Variants in SHLD2 observed in about 807,000 individuals in gnomAD.
The protein encoded by SHLD2 is RINN1-REV7-interacting novel NHEJ regulator 2.
SHLD2 carries 30 observed loss-of-function variants against 73.2 expected under a neutral mutation model. That is an observed-to-expected ratio of 0.41 (90% CI 0.31 to 0.56). The LOEUF (loss-of-function observed/expected upper bound fraction) is 0.56. SHLD2 is among the 20% of genes least tolerant of loss of function. The pLI, the probability that SHLD2 is intolerant of heterozygous loss-of-function variation, is 0.28. For synonymous variants in SHLD2, 285 were observed against 370.1 expected, an observed-to-expected ratio of 0.77 and a Z score of 2.64; for missense variants, 745 against 1,055.9, an observed-to-expected ratio of 0.71 and a Z score of 4.08.
intron 6 of SHLD2, among the ~76,000 whole-genome samples, chr10:87,173,038 CTTT>C (rs77853653): frequency 1.5e-5 from 2 of 134,770 alleles, no homozygotes; most frequent in Non-Finnish European, 3.2e-5. Flanking sequence ...GCATAAGGCA[CTTT>C]TTTTTTTTTT....
At chr10:87,129,764 G>A (rs998844155) in intron 2 of SHLD2, among the ~76,000 whole-genome samples, 1 of 151,616 alleles carries the variant, frequency 6.6e-6, no homozygotes, top group South Asian at 2.1e-4. Flanking sequence ...GGTACTACAG[G>A]CCTGCACCGC....
At chr10:87,173,555 CTTTATG>C (rs573676006) in intron 6 of SHLD2, among the ~76,000 whole-genome samples, 247 of 152,250 alleles carry the variant, frequency 1.6e-3, no homozygotes, top group African/African-American at 5.3e-3. Context: ...TAAATTTATA[CTTTATG>C]TTTGTGCCAA....
chr10:87,183,690 AGCTGCTTTT>A (rs1260822735), intron 8 of SHLD2, among the ~76,000 whole-genome samples: 5 of 152,180 alleles, frequency 3.3e-5, no homozygotes, highest in African/African-American at 1.2e-4. Context: ...ATGCTGCAGA[AGCTGCTTTT>A]GTCAAAGTTA....
At chr10:87,134,068 A>G (rs1844621979) in intron 2 of SHLD2, among the ~76,000 whole-genome samples, 1 of 152,214 alleles carries the variant, frequency 6.6e-6, no homozygotes, top group Non-Finnish European at 1.5e-5. Flanking sequence ...CAATCTTTAG[A>G]TAGTGTAATA....
intron 6 of SHLD2, among the ~76,000 whole-genome samples, chr10:87,171,504 G>A (rs948511314): frequency 2.6e-5 from 4 of 151,918 alleles, no homozygotes; most frequent in Non-Finnish European, 5.9e-5. Context: ...TTTCTTTAAA[G>A]CATAAATTAT....
chr10:87,110,150 A>G (rs1392519916), intron 2 of SHLD2, among the ~76,000 whole-genome samples: 2 of 152,066 alleles, frequency 1.3e-5, no homozygotes, highest in East Asian at 1.9e-4. Flanking sequence ...TTAGCTGAGC[A>G]TGTTGGCACA....
chr10:87,131,977 C>T (rs535044594), intron 2 of SHLD2, among the ~76,000 whole-genome samples: 2 of 152,174 alleles, frequency 1.3e-5, no homozygotes, highest in African/African-American at 2.4e-5. Context: ...GACATTGAGC[C>T]TTTTTTCATG....
intron 2 of SHLD2, among the ~76,000 whole-genome samples, chr10:87,144,751 A>C (rs1409376222): frequency 8.6e-4 from 100 of 115,692 alleles, no homozygotes; most frequent in Middle Eastern, 7.0e-3. Context: ...CTCAGCCTCC[A>C]GAGTAGCTGG....
In SHLD2 at chr10:87,111,511, C is replaced by T. The variant is rs189817776; in HGVS notation, c.-6+14522C>T. Among the ~76,000 whole-genome samples the T allele has an allele frequency of 1.5e-3, 223 of 151,828 alleles. 3 individuals are homozygous for T. In the East Asian group the frequency reaches 0.039, roughly 27 times the overall value. ...CAAAAATTAGCTGGGCATGGTGGCA[C>T]GCGCCTGTAATCTCAACTACTTGAG... On this transcript the variant is annotated intron_variant, in intron 2 of 9. Transcript: ENST00000298786.
At position 87,150,507 on chromosome 10, in the gene SHLD2, T is replaced by C. The variant is rs568117027; in HGVS notation, c.-5-843T>C. Among the ~76,000 whole-genome samples, 343 of 151,778 alleles carry C rather than the reference T, an allele frequency of 2.3e-3. 1 individual carries two copies. The highest frequency in any genetic ancestry group is 2.7e-3 in the Non-Finnish European group (181 of 67,966). On this transcript the variant is annotated intron_variant, in intron 2 of 9. Coordinates refer to ENST00000298786, the MANE Select transcript of SHLD2 (RefSeq NM_001330112.2). The stretch of plus-strand genomic sequence containing the variant: ...CAGGCGCGGTGGCTCACGCCTGTAA[T>C]CCCAGCACTTTGACAAGCAGAGGCG...
intron 4 of SHLD2, 41 bp from the exon 5 acceptor site, chr10:87,170,437 G>T (rs746963777): frequency 1.5e-6 from 2 of 1,302,812 alleles, no homozygotes; most frequent in Non-Finnish European, 2.1e-6. Flanking sequence ...AAAATATAAT[G>T]TTGCCATCTT....
rs1228640021 is a variant in SHLD2 at position 87,131,183 on chromosome 10, A to T, written c.-5-20167A>T. Among the ~76,000 whole-genome samples the T allele has an allele frequency of 2.3e-4, 34 of 150,524 alleles. No homozygotes were observed. The East Asian group carries it at 6.4e-3, about 28-fold the overall frequency. ...TCTCTTTACCCAGAACTTATTTCTAATTTTTTTTTTGTTAAGCATCTTTTT... is the reference window on the plus strand; with the variant it reads ...TCTCTTTACCCAGAACTTATTTCTATTTTTTTTTTTGTTAAGCATCTTTTT... On this transcript the variant is annotated intron_variant, in intron 2 of 9. Transcript: ENST00000298786.
rs550091996 is a variant in SHLD2, at chr10:87,187,610, C to T, written c.2515+410C>T. Among the ~76,000 whole-genome samples the T allele has an allele frequency of 9.9e-5, 15 of 152,280 alleles. No individual in the cohort carries two copies. In the South Asian group the frequency reaches 3.1e-3, roughly 32 times the overall value. ...AATAAAGCAAAGATAATATATTTGT[C>T]AGGTATTCAAACTCCATTCCTGTTC... is the stretch of plus-strand genomic sequence containing the variant. On this transcript the variant is annotated intron_variant, in intron 9 of 9. Transcript: ENST00000298786.
rs1847535424 is a variant in SHLD2, at chr10:87,170,663, A to G, written c.1819A>G (p.Ile607Val). 1.2e-6 allele frequency: 2 copies of G among 1,603,278 alleles called. No homozygotes were observed. Among genetic ancestry groups the G allele is most frequent in the Non-Finnish European group, 1.7e-6 (2 of 1,176,270 alleles). ...AGTACTAAGAGTTGTTGATTTCACT[A>G]TACTGACAGGTAAATATTTTGACTG... ...HAVLRVVDFTILTEAVYSYRG... is the reference protein window; with the variant it reads ...HAVLRVVDFTVLTEAVYSYRG... Residue 607 changes from isoleucine to valine, a missense_variant, in exon 5 of 10, where the codon ATA (isoleucine) becomes GTA (valine). Physicochemically the swap from Ile to Val is conservative, Grantham distance 29. Transcript: ENST00000298786.
rs1237542205 is a variant in SHLD2, at chr10:87,152,811, T to A, written c.1457T>A (p.Val486Asp). The change falls in exon 3 of 10, where the codon GTT (valine) becomes GAT (aspartate). Residue 486 changes from valine to aspartate, a missense_variant. Around this residue, in one of 5 missense-constraint regions of SHLD2, gnomAD observed 418 missense variants for 567.8 expected, o/e 0.74. Transcript: ENST00000298786. ...VIDQSETKKK[V>D]FLWRTAAFWA... ...GATCAATCAGAAACTAAGAAGAAGG[T>A]TTTTCTGTGGAGGACTGCAGCATTT... 1 of 1,611,034 alleles carries A rather than the reference T, an allele frequency of 6.2e-7. No individual in the cohort carries two copies. The highest frequency in any genetic ancestry group is 1.3e-5 in the African/African-American group (1 of 74,700).
At chr10:87,117,778 G>A (rs1424634768) in intron 2 of SHLD2, among the ~76,000 whole-genome samples, 2 of 152,206 alleles carry the variant, frequency 1.3e-5, no homozygotes, top group Non-Finnish European at 2.9e-5. Context: ...CTGGGCAACA[G>A]AGGGAAACCC....
At chr10:87,165,844 G>A (rs1392609940) in intron 4 of SHLD2, among the ~76,000 whole-genome samples, 2 of 152,034 alleles carry the variant, frequency 1.3e-5, no homozygotes, top group East Asian at 1.9e-4. Context: ...CACATTAGTC[G>A]ACATAGTGAG....
chr10:87,174,992 C>CT (rs1263455229), intron 6 of SHLD2, among the ~76,000 whole-genome samples: 3 of 152,138 alleles, frequency 2.0e-5, no homozygotes, highest in East Asian at 3.9e-4. Flanking sequence ...TGGCGGGCGC[C>CT]TGTAGTCCCA....
At chr10:87,190,044 A>G (rs1028054881) in intron 9 of SHLD2, among the ~76,000 whole-genome samples, 2 of 152,042 alleles carry the variant, frequency 1.3e-5, no homozygotes, top group Non-Finnish European at 2.9e-5. Flanking sequence ...GAAGGTATAG[A>G]AAGAGTAGTT....
Sources: allele counts gnomAD v4.1 joint callset (sites outside exome capture counted in the v4.1 genomes callset), GRCh38; gene constraint gnomAD v4.1.1; regional missense constraint gnomAD v4.1.1; transcripts MANE v1.5; gene names NCBI Gene and HGNC (gene_info 2026-07-23, HGNC 2026-07-21).